Variants in SMAD6 observed in about 807,000 individuals in gnomAD.
SMAD6 encodes MAD homolog 6.
SMAD6 carries 103 observed loss-of-function variants against 39.4 expected under a neutral mutation model. That is an observed-to-expected ratio of 2.62 (90% CI 2.23 to 3.08). The LOEUF (loss-of-function observed/expected upper bound fraction) is 3.08, where lower values mean the gene tolerates loss of function less well. Ranked by LOEUF, SMAD6 falls within the 30% of genes most tolerant of loss-of-function variation. The probability of loss-of-function intolerance (pLI) is 0.00; values close to 1 mark genes in which losing one functional copy is unlikely to be tolerated. For synonymous variants in SMAD6, 445 were observed against 353.3 expected (o/e 1.26, Z -2.91); for missense variants, 1,104 against 742.9 (o/e 1.49, Z -5.65).
intron 3 of SMAD6, among the ~76,000 whole-genome samples, chr15:66,745,711 C>T (rs34190282): frequency 6.6e-6 from 1 of 152,062 alleles, no homozygotes; most frequent in Admixed American, 6.5e-5. Context: ...AGGCTCCCCC[C>T]CAAGCTCTGC....
chr15:66,744,855 A>G (rs980791046), intron 3 of SMAD6, among the ~76,000 whole-genome samples: 1 of 152,156 alleles, frequency 6.6e-6, no homozygotes, highest in Non-Finnish European at 1.5e-5. Context: ...TCCTGTCCCC[A>G]GCTCCTATGG....
chr15:66,776,035 A>G (rs2140675465), intron 3 of SMAD6, among the ~76,000 whole-genome samples: 1 of 152,324 alleles, frequency 6.6e-6, no homozygotes, highest in South Asian at 2.1e-4. Flanking sequence ...TGAAATCTGA[A>G]TGCACGTATG....
At chr15:66,758,000 G>A (rs1444489136) in intron 3 of SMAD6, among the ~76,000 whole-genome samples, 1 of 152,164 alleles carries the variant, frequency 6.6e-6, no homozygotes, top group Non-Finnish European at 1.5e-5. Flanking sequence ...CTGATGGAGT[G>A]GGCGTGGGAC....
intron 3 of SMAD6, among the ~76,000 whole-genome samples, chr15:66,767,978 T>TTTC (rs1894317563): frequency 7.0e-6 from 1 of 143,664 alleles, no homozygotes; most frequent in African/African-American, 2.6e-5. Flanking sequence ...TTTTTTTTTT[T>TTTC]TTTTTTTTGG....
intron 3 of SMAD6, among the ~76,000 whole-genome samples, chr15:66,730,543 A>G (rs554000466): frequency 1.3e-5 from 2 of 152,306 alleles, no homozygotes; most frequent in East Asian, 3.9e-4. Flanking sequence ...TGTAACCAGG[A>G]AACTGGTGGC....
chr15:66,728,906 T>A (rs546354336), intron 3 of SMAD6, among the ~76,000 whole-genome samples: 55 of 150,798 alleles, frequency 3.6e-4, no homozygotes, highest in African/African-American at 1.2e-3. Flanking sequence ...GGACACAAGG[T>A]CATACTTCTC....
At chr15:66,707,515 C>G (rs899820673) in intron 1 of SMAD6, 4 of 152,324 alleles carry the variant, frequency 2.6e-5, no homozygotes, top group Non-Finnish European at 4.4e-5. Context: ...TCCAAGCCCC[C>G]GCCCTGCCCG....
chr15:66,711,696 G>A lies in SMAD6; in HGVS notation c.846G>A (p.Leu282=). 1 of 1,613,752 alleles carries A rather than the reference G, an allele frequency of 6.2e-7. No homozygotes were observed. Among genetic ancestry groups the A allele is most frequent in the South Asian group, 1.1e-5 (1 of 91,084 alleles). ...PESPPPPYSR[L]SPRDEYKPLD... ...CTCCGCCACCTCCCTACTCTCGGCTGTCTCCTCGCGACGAGTACAAGCCAC... is the reference window on the plus strand; with the variant it reads ...CTCCGCCACCTCCCTACTCTCGGCTATCTCCTCGCGACGAGTACAAGCCAC... Residue 282 remains leucine (L), a synonymous_variant, in exon 2 of 4, where the codon CTG becomes CTA. Coordinates refer to ENST00000288840, the MANE Select transcript of SMAD6 (RefSeq NM_005585.5).
chr15:66,754,694 C>T (rs538381224), intron 3 of SMAD6, among the ~76,000 whole-genome samples: 1 of 152,274 alleles, frequency 6.6e-6, no homozygotes, highest in South Asian at 2.1e-4. Flanking sequence ...TCCTTATAAC[C>T]ATCCTGAGGA....
At chr15:66,764,494 A>C (rs1894256728) in intron 3 of SMAD6, among the ~76,000 whole-genome samples, 1 of 152,116 alleles carries the variant, frequency 6.6e-6, no homozygotes, top group South Asian at 2.1e-4. Context: ...GTATATGAAG[A>C]TATGGGGCCA....
intron 2 of SMAD6, among the ~76,000 whole-genome samples, chr15:66,714,150 G>A (rs1893282976): frequency 6.6e-6 from 1 of 152,178 alleles, no homozygotes; most frequent in African/African-American, 2.4e-5. Context: ...TGAATGTCAA[G>A]GATCATCGCC....
At chr15:66,769,629 C>T (rs1894347201) in intron 3 of SMAD6, among the ~76,000 whole-genome samples, 1 of 152,308 alleles carries the variant, frequency 6.6e-6, no homozygotes, top group South Asian at 2.1e-4. Flanking sequence ...GTGTGGGTGC[C>T]TGTTCCTGAG....
chr15:66,734,359 C>T (rs913965395), intron 3 of SMAD6, among the ~76,000 whole-genome samples: 29 of 152,202 alleles, frequency 1.9e-4, no homozygotes, highest in African/African-American at 6.3e-4. Context: ...TCATTCCATT[C>T]GCCCTGCCTC....
At chr15:66,705,891 C>T (rs72756477) in intron 1 of SMAD6, 8,707 of 150,908 alleles carry the variant, frequency 0.058, 329 homozygotes, top group Non-Finnish European at 0.084. Flanking sequence ...AACCTGGAGC[C>T]GGACCTTGGA....
chr15:66,719,286 C>A (rs958703031), intron 3 of SMAD6, among the ~76,000 whole-genome samples: 1 of 152,216 alleles, frequency 6.6e-6, no homozygotes, highest in Admixed American at 6.5e-5. Flanking sequence ...CAGACCCTGG[C>A]AGGAGCAAAG....
rs965061234 is a variant in SMAD6, at chr15:66,703,481, C to CGAGGCGCCCAGGGCGCGGG, written c.232_250dup (p.Arg84ProfsTer43). ...GCGGCCCCGGGACGCAGTGGGACAG[C>CGAGGCGCCCAGGGCGCGGG]GAGGCGCCCAGGGCGCGGGGAGGCG... On this transcript the variant is annotated frameshift_variant, in exon 1 of 4. Coordinates refer to ENST00000288840, the MANE Select transcript of SMAD6 (RefSeq NM_005585.5). LOFTEE classifies it high-confidence loss of function. 6 of 1,238,036 alleles carry CGAGGCGCCCAGGGCGCGGG rather than the reference C, an allele frequency of 4.8e-6. No homozygotes were observed. Among genetic ancestry groups the CGAGGCGCCCAGGGCGCGGG allele is most frequent in the Non-Finnish European group, 6.1e-6 (6 of 986,868 alleles). 76.7% of individuals were successfully genotyped at this position (1,238,036 alleles called of 1,614,324 possible). A position where few individuals can be genotyped will look rare whatever the true frequency, so the allele number is the denominator to read the frequency against.
At chr15:66,779,840 T>C (rs1227184006) in intron 3 of SMAD6, among the ~76,000 whole-genome samples, 1 of 152,226 alleles carries the variant, frequency 6.6e-6, no homozygotes, top group Non-Finnish European at 1.5e-5. Flanking sequence ...AGGCAAATCA[T>C]GTCACCTCAC....
intron 3 of SMAD6, among the ~76,000 whole-genome samples, chr15:66,745,434 T>C (rs1303219493): frequency 6.6e-6 from 1 of 151,958 alleles, no homozygotes; most frequent in Non-Finnish European, 1.5e-5. Flanking sequence ...GGCCCCACTT[T>C]TAAACAGCTC....
rs1159647437 is a variant in SMAD6 at position 66,726,545 on chromosome 15, T to A, written c.952+10047T>A. Among the ~76,000 whole-genome samples the A allele has an allele frequency of 2.0e-5, 3 of 152,170 alleles. No homozygotes were observed. In the East Asian group the frequency reaches 5.8e-4, roughly 29 times the overall value. On this transcript the variant is annotated intron_variant, in intron 3 of 3. Transcript: ENST00000288840. Reference sequence around the variant, plus strand: ...CCCAGGCTCTTAAGTAGGCAGACCCTGTCTCCTGCTACCTGGCTGCCCAGC... The same window carrying A: ...CCCAGGCTCTTAAGTAGGCAGACCCAGTCTCCTGCTACCTGGCTGCCCAGC...
Sources: gnomAD v4.1 joint callset for allele counts (sites outside exome capture counted in the v4.1 genomes callset) on GRCh38, gnomAD v4.1.1 for gene constraint, MANE v1.5 for transcripts, NCBI Gene and HGNC (gene_info 2026-07-23, HGNC 2026-07-21) for gene names.